The following MACROD2 variants were observed in gnomAD, a reference collection of about 807,000 sequenced individuals.
The protein encoded by MACROD2 is mono-ADP ribosylhydrolase 2, also known as ADP-ribose glycohydrolase MACROD2.
In MACROD2, 36 loss-of-function variants were observed where a neutral mutation model predicts 70.4. The observed-to-expected ratio is 0.51, with a 90% CI of 0.39 to 0.68. The LOEUF (loss-of-function observed/expected upper bound fraction) is 0.68. Ranked by LOEUF, MACROD2 falls within the 30% of genes least tolerant of loss-of-function variation. The pLI, the probability that MACROD2 is intolerant of heterozygous loss-of-function variation, is 0.00. For missense variants in MACROD2, 496 were observed against 538.4 expected (o/e 0.92, Z 0.78); for synonymous variants, 172 against 178.8 (o/e 0.96, Z 0.30).
chr20:15,742,804 A>G (rs1391031056), intron 8 of MACROD2, among the ~76,000 whole-genome samples: 1 of 152,226 alleles, frequency 6.6e-6, no homozygotes, highest in Non-Finnish European at 1.5e-5. Flanking sequence ...ATCATCATAC[A>G]TTCATTTCAA....
At chr20:14,955,594 C>T (rs1021777515) in intron 5 of MACROD2, among the ~76,000 whole-genome samples, 2 of 152,012 alleles carry the variant, frequency 1.3e-5, no homozygotes, top group African/African-American at 4.8e-5. Flanking sequence ...ATTCATTCTG[C>T]AACCTCATCT....
At chr20:15,492,701 C>A (rs778079503) in intron 7 of MACROD2, among the ~76,000 whole-genome samples, 2 of 152,130 alleles carry the variant, frequency 1.3e-5, no homozygotes, top group African/African-American at 4.8e-5. Flanking sequence ...GAAAGTCTCA[C>A]GTTTGATAAC....
intron 8 of MACROD2, among the ~76,000 whole-genome samples, chr20:15,582,062 C>T (rs181788472): frequency 1.3e-5 from 2 of 151,508 alleles, no homozygotes; most frequent in Non-Finnish European, 2.9e-5. Context: ...GCCAAGGTTG[C>T]ACTGAGCCGA....
At chr20:15,264,795 A>C (rs1217135783) in intron 6 of MACROD2, among the ~76,000 whole-genome samples, 2 of 152,068 alleles carry the variant, frequency 1.3e-5, no homozygotes. Context: ...AATTTTCCCT[A>C]GTGAAATAAG....
intron 6 of MACROD2, among the ~76,000 whole-genome samples, chr20:15,237,016 G>A (rs2077019284): frequency 6.6e-6 from 1 of 152,128 alleles, no homozygotes; most frequent in South Asian, 2.1e-4. Context: ...ACAACAACTA[G>A]GGAGTGCCAC....
chr20:15,395,164 A>G (rs55671444), intron 6 of MACROD2, among the ~76,000 whole-genome samples: 2 of 152,170 alleles, frequency 1.3e-5, no homozygotes, highest in African/African-American at 4.8e-5. Flanking sequence ...TTCACCAATG[A>G]CCATTATCCC....
chr20:15,487,058 C>T (rs956161290), intron 7 of MACROD2, among the ~76,000 whole-genome samples: 2 of 152,132 alleles, frequency 1.3e-5, no homozygotes, highest in Admixed American at 6.5e-5. Flanking sequence ...GTAGTTATCT[C>T]GGACATTCTC....
chr20:15,617,132 G>A (rs1308593705), intron 8 of MACROD2, among the ~76,000 whole-genome samples: 1 of 152,098 alleles, frequency 6.6e-6, no homozygotes, highest in African/African-American at 2.4e-5. Context: ...TTTTTTTCAA[G>A]TTACCAGGCT....
chr20:14,363,678 G>C (rs1351465233), intron 3 of MACROD2, among the ~76,000 whole-genome samples: 2 of 81,556 alleles, frequency 2.5e-5, no homozygotes, highest in Non-Finnish European at 6.5e-5. Flanking sequence ...AAAATTAGCC[G>C]GGCGCGGTGG....
At chr20:15,314,952 A>C in intron 6 of MACROD2, among the ~76,000 whole-genome samples, 1 of 152,232 alleles carries the variant, frequency 6.6e-6, no homozygotes, top group African/African-American at 2.4e-5. Context: ...CAATGCAAGC[A>C]GGAAGTGAAG....
rs190656741 is a variant in MACROD2 at position 15,327,575 on chromosome 20, C to T, written c.540+97514C>T. On this transcript the variant is annotated intron_variant, in intron 6 of 17. Coordinates refer to ENST00000684519, the MANE Select transcript of MACROD2 (RefSeq NM_001351661.2). The stretch of plus-strand genomic sequence containing the variant: ...CCCCTTATAAAACCCTCAGATCTCA[C>T]GAGAACTCACTCACTATCATGAGAA... 8.5e-5 allele frequency among the ~76,000 whole-genome samples: 13 copies of T among 152,140 alleles called. No individual in the cohort carries two copies. The East Asian group carries it at 9.7e-4, about 11-fold the overall frequency.
At chr20:15,998,200 T>C (rs966397466) in intron 15 of MACROD2, among the ~76,000 whole-genome samples, 3 of 152,226 alleles carry the variant, frequency 2.0e-5, no homozygotes, top group Non-Finnish European at 2.9e-5. Flanking sequence ...ATAAAATGAA[T>C]TTGGAAATGT....
chr20:14,896,025 T>C (rs1314511537), intron 5 of MACROD2, among the ~76,000 whole-genome samples: 1 of 152,154 alleles, frequency 6.6e-6, no homozygotes, highest in Non-Finnish European at 1.5e-5. Flanking sequence ...GGCCGGGTGC[T>C]GTGGCTCACG....
chr20:15,074,438 C>T (rs771580734), intron 5 of MACROD2, among the ~76,000 whole-genome samples: 1 of 152,208 alleles, frequency 6.6e-6, no homozygotes, highest in African/African-American at 2.4e-5. Context: ...TGGCTCCTCC[C>T]ATACTTATTC....
intron 6 of MACROD2, among the ~76,000 whole-genome samples, chr20:15,288,867 G>GTCTGTCTATCTATCTATCTATCTA (rs71340213): frequency 6.8e-6 from 1 of 146,852 alleles, no homozygotes; most frequent in African/African-American, 2.5e-5. Flanking sequence ...CTGTCTGTCT[G>GTCTGTCTATCTATCTATCTATCTA]TCTATCTATC....
At chr20:15,551,953 T>A (rs1391714103) in intron 8 of MACROD2, among the ~76,000 whole-genome samples, 1 of 152,178 alleles carries the variant, frequency 6.6e-6, no homozygotes, top group Non-Finnish European at 1.5e-5. Flanking sequence ...TATAAGCACT[T>A]ATTACTTTCA....
intron 5 of MACROD2, among the ~76,000 whole-genome samples, chr20:15,176,517 G>A (rs910554617): frequency 2.6e-5 from 4 of 152,114 alleles, no homozygotes; most frequent in Non-Finnish European, 5.9e-5. Flanking sequence ...CCAGCTGCAG[G>A]AAGGAGCTAC....
chr20:15,193,285 C>T (rs1233344989), intron 5 of MACROD2, among the ~76,000 whole-genome samples: 1 of 152,192 alleles, frequency 6.6e-6, no homozygotes, highest in East Asian at 1.9e-4. Context: ...GCAGAAAGAG[C>T]CATAGTTGCT....
In MACROD2 at chr20:15,510,067, A is replaced by G. The variant is rs574174140; in HGVS notation, c.645+10220A>G. Among the ~76,000 whole-genome samples, 126 of 152,336 alleles carry G rather than the reference A, an allele frequency of 8.3e-4. 1 individual carries two copies. In the South Asian group the frequency reaches 0.019, roughly 24 times the overall value. Reference sequence around the variant, plus strand: ...GAGTTGATATTAACAACCTTGACCCATTTAGTGTAGAAGGAGAGGCCGCCA... The same window carrying G: ...GAGTTGATATTAACAACCTTGACCCGTTTAGTGTAGAAGGAGAGGCCGCCA... On this transcript the variant is annotated intron_variant, in intron 8 of 17. Transcript: ENST00000684519.
Sources: allele counts gnomAD v4.1 joint callset (sites outside exome capture counted in the v4.1 genomes callset), GRCh38; gene constraint gnomAD v4.1.1; transcripts MANE v1.5; gene names NCBI Gene and HGNC (gene_info 2026-07-23, HGNC 2026-07-21).